Variants in PTPRJ observed in about 807,000 individuals in gnomAD.
The protein encoded by PTPRJ is protein tyrosine phosphatase receptor type J, also known as receptor-type tyrosine-protein phosphatase eta.
A neutral mutation model predicts 141.3 loss-of-function variants in PTPRJ; 129 were observed. That is an observed-to-expected ratio of 0.91 (90% CI 0.79 to 1.06). The LOEUF (loss-of-function observed/expected upper bound fraction) is 1.06. Ranked by LOEUF, PTPRJ falls within the 50% of genes least tolerant of loss-of-function variation. PTPRJ has a pLI of 0.00. For synonymous variants in PTPRJ, 610 were observed against 640.5 expected (o/e 0.95, Z 0.72); for missense variants, 1,601 against 1,679.7 (o/e 0.95, Z 0.82).
At chr11:48,092,674 C>T (rs1855902533) in intron 1 of PTPRJ, among the ~76,000 whole-genome samples, 1 of 152,184 alleles carries the variant, frequency 6.6e-6, no homozygotes, top group Non-Finnish European at 1.5e-5. Context: ...AGGTGATCCA[C>T]CCACCTCAGC....
Position 48,142,628 on chromosome 11 carries a change from C to T in PTPRJ, c.2444-291C>T, listed in dbSNP as rs893910933. Among the ~76,000 whole-genome samples the T allele has an allele frequency of 3.3e-5, 5 of 152,280 alleles. No homozygotes were observed. The South Asian group carries it at 1.0e-3, about 32-fold the overall frequency. On this transcript the variant is annotated intron_variant, in intron 11 of 24. Transcript: ENST00000418331. ...AAATAAAATAAAAGCATGTACTGTTCAAAACAACAATAGCAAAACCAAACA... is the reference window on the plus strand; with the variant it reads ...AAATAAAATAAAAGCATGTACTGTTTAAAACAACAATAGCAAAACCAAACA...
At chr11:48,097,944 C>T (rs1033393817) in intron 1 of PTPRJ, among the ~76,000 whole-genome samples, 2 of 152,130 alleles carry the variant, frequency 1.3e-5, no homozygotes, top group African/African-American at 4.8e-5. Context: ...AAGGGCCTGA[C>T]TTAGGGGACA....
intron 1 of PTPRJ, among the ~76,000 whole-genome samples, 166 bp downstream of exon 1, chr11:47,981,174 C>T (rs899922596): frequency 6.6e-5 from 10 of 152,070 alleles, no homozygotes; most frequent in Admixed American, 3.3e-4. Flanking sequence ...CGGCCTCGCA[C>T]GCCGGCGATC....
chr11:48,089,315 G>A (rs1388147798), intron 1 of PTPRJ, among the ~76,000 whole-genome samples: 1 of 152,112 alleles, frequency 6.6e-6, no homozygotes, highest in Non-Finnish European at 1.5e-5. Context: ...CCAAGAGTTT[G>A]AGACTAGCCC....
intron 1 of PTPRJ, among the ~76,000 whole-genome samples, chr11:48,054,817 C>CTT (rs34013393): frequency 7.0e-4 from 99 of 140,456 alleles, no homozygotes; most frequent in African/African-American, 1.9e-3. Flanking sequence ...TCCTTTCTTT[C>CTT]TTTTTTTTTT....
intron 11 of PTPRJ, among the ~76,000 whole-genome samples, chr11:48,141,586 G>A (rs572607202): frequency 6.2e-4 from 95 of 152,244 alleles, no homozygotes; most frequent in South Asian, 4.6e-3. Flanking sequence ...CAGCTGACCA[G>A]CTGATCCTGG....
Position 48,053,622 on chromosome 11 carries a change from G to A in PTPRJ, c.97-56436G>A, listed in dbSNP as rs530408826. Among the ~76,000 whole-genome samples, 13 of 144,654 alleles carry A rather than the reference G, an allele frequency of 9.0e-5. No homozygotes were observed. The South Asian group carries it at 2.8e-3, about 31-fold the overall frequency. 94.9% of individuals were successfully genotyped at this position (144,654 alleles called of 152,430 possible). A position where few individuals can be genotyped will look rare whatever the true frequency, so the allele number is the denominator to read the frequency against. On this transcript the variant is annotated intron_variant, in intron 1 of 24. Transcript: ENST00000418331. ...GAGACAGTCTTGCTGTGTTGCCCAG[G>A]CTGGAGTGCAGTGGTGTGATCTTGG...
intron 1 of PTPRJ, among the ~76,000 whole-genome samples, chr11:48,039,462 A>G (rs1421659728): frequency 8.6e-6 from 1 of 116,468 alleles, no homozygotes; most frequent in Admixed American, 9.3e-5. Context: ...ATACAACACT[A>G]TGGTGTGTGT....
chr11:48,041,698 C>T (rs1011727636), intron 1 of PTPRJ, among the ~76,000 whole-genome samples: 14 of 152,172 alleles, frequency 9.2e-5, no homozygotes, highest in African/African-American at 2.4e-4. Flanking sequence ...AATCATGGCT[C>T]GCTGCAGCCT....
chr11:48,007,633 C>A lies in PTPRJ; in HGVS notation c.96+26625C>A, dbSNP rs1000566636. 3.9e-5 allele frequency among the ~76,000 whole-genome samples: 6 copies of A among 152,268 alleles called. No individual in the cohort carries two copies. In the East Asian group the frequency reaches 1.2e-3, roughly 29 times the overall value. On this transcript the variant is annotated intron_variant, in intron 1 of 24. Transcript: ENST00000418331. Reference sequence around the variant, plus strand: ...GGCCAGGGTGATCTTGAACTCCAGACCTCAAGTGATCTGCCCGCCTCCCAG... The same window carrying A: ...GGCCAGGGTGATCTTGAACTCCAGAACTCAAGTGATCTGCCCGCCTCCCAG...
chr11:47,996,098 C>T (rs1854327890), intron 1 of PTPRJ, among the ~76,000 whole-genome samples: 1 of 151,678 alleles, frequency 6.6e-6, no homozygotes, highest in Non-Finnish European at 1.5e-5. Flanking sequence ...CTATGGGAGG[C>T]CAAGGCGGGT....
At chr11:48,107,424 A>G (rs931301543) in intron 1 of PTPRJ, among the ~76,000 whole-genome samples, 7 of 152,068 alleles carry the variant, frequency 4.6e-5, no homozygotes, top group Non-Finnish European at 7.4e-5. Context: ...CCTGGGTAGC[A>G]TTGGGTGTTC....
chr11:48,005,235 G>A (rs1259560384), intron 1 of PTPRJ, among the ~76,000 whole-genome samples: 1 of 150,536 alleles, frequency 6.6e-6, no homozygotes, highest in Admixed American at 6.6e-5. Flanking sequence ...AAAAAAAAAA[G>A]CATACAGTTC....
intron 1 of PTPRJ, among the ~76,000 whole-genome samples, chr11:48,100,413 G>A (rs914316128): frequency 3.3e-5 from 5 of 152,122 alleles, no homozygotes; most frequent in African/African-American, 1.2e-4. Flanking sequence ...TATTTATTGT[G>A]TGCCCCTCGT....
chr11:48,045,077 C>T (rs758119544), intron 1 of PTPRJ, among the ~76,000 whole-genome samples: 4 of 152,138 alleles, frequency 2.6e-5, no homozygotes, highest in Non-Finnish European at 4.4e-5. Context: ...TCTTTTCCCC[C>T]GTAATTATGG....
At chr11:48,097,646 T>TTGAA (rs2134308293) in intron 1 of PTPRJ, among the ~76,000 whole-genome samples, 1 of 152,018 alleles carries the variant, frequency 6.6e-6, no homozygotes, top group South Asian at 2.1e-4. Context: ...CAAGCAATTC[T>TTGAA]CCTGCCTCAG....
intron 3 of PTPRJ, among the ~76,000 whole-genome samples, chr11:48,116,090 G>T (rs149188928): frequency 7.8e-4 from 119 of 151,986 alleles, no homozygotes; most frequent in African/African-American, 2.8e-3. Context: ...GAAAGTAAAG[G>T]GTTTAAATTC....
chr11:48,018,400 T>C (rs892966531), intron 1 of PTPRJ, among the ~76,000 whole-genome samples: 1 of 152,078 alleles, frequency 6.6e-6, no homozygotes, highest in Non-Finnish European at 1.5e-5. Context: ...GGGCAGTGGA[T>C]GGCTGTGAGT....
intron 22 of PTPRJ, among the ~76,000 whole-genome samples, chr11:48,161,825 A>G (rs1857787163): frequency 6.6e-6 from 1 of 152,094 alleles, no homozygotes; most frequent in Non-Finnish European, 1.5e-5. Context: ...CATATTGGCC[A>G]GGCTGGTCTT....
Sources: gnomAD v4.1 joint callset for allele counts (sites outside exome capture counted in the v4.1 genomes callset) on GRCh38, gnomAD v4.1.1 for gene constraint, MANE v1.5 for transcripts, NCBI Gene and HGNC (gene_info 2026-07-23, HGNC 2026-07-21) for gene names.